Variants in METTL15 observed in about 807,000 individuals in gnomAD.
The protein encoded by METTL15 is methyltransferase 15, mitochondrial 12S rRNA N4-cytidine.
A neutral mutation model predicts 38.3 loss-of-function variants in METTL15; 34 were observed. That is an observed-to-expected ratio of 0.89 (90% CI 0.68 to 1.18). METTL15 has a LOEUF of 1.18. Among genes scored for constraint, METTL15 ranks in the 50% most tolerant of loss-of-function variants. The probability of loss-of-function intolerance (pLI) is 0.00; values close to 1 mark genes in which losing one functional copy is unlikely to be tolerated. For synonymous variants in METTL15, 162 were observed against 170.9 expected, an observed-to-expected ratio of 0.95 and a Z score of 0.41; for missense variants, 438 against 498.4, an observed-to-expected ratio of 0.88 and a Z score of 1.15.
rs180710730 is a variant in METTL15, at chr11:28,396,285, G to C, written c.*359-28014G>C. 2.3e-3 allele frequency among the ~76,000 whole-genome samples: 348 copies of C among 152,254 alleles called. 1 individual carries two copies. Among genetic ancestry groups the C allele is most frequent in the African/African-American group, 7.2e-3 (298 of 41,544 alleles). Reference sequence around the variant, plus strand: ...AAAGAAATAAAGCGTATTCAATTAGGAAAAGAGGAAGTCAAATTGTCCATG... The same window carrying C: ...AAAGAAATAAAGCGTATTCAATTAGCAAAAGAGGAAGTCAAATTGTCCATG... On this transcript the variant is annotated intron_variant and NMD_transcript_variant, in intron 5 of 7. Transcript: ENST00000532947.
intron 6 of METTL15, among the ~76,000 whole-genome samples, chr11:28,515,846 T>C (rs1409565061): frequency 6.6e-6 from 1 of 152,166 alleles, no homozygotes; most frequent in Non-Finnish European, 1.5e-5. Flanking sequence ...TAAAAACACA[T>C]AGCCACAATA....
At chr11:28,401,913 T>C (rs1254971789) in intron 5 of METTL15, among the ~76,000 whole-genome samples, 1 of 152,044 alleles carries the variant, frequency 6.6e-6, no homozygotes, top group African/African-American at 2.4e-5. Context: ...GCTACAAAAG[T>C]GTACCTTAAT....
intron 4 of METTL15, among the ~76,000 whole-genome samples, chr11:28,266,141 G>A (rs1201297206): frequency 1.3e-5 from 2 of 152,176 alleles, no homozygotes; most frequent in East Asian, 1.9e-4. Flanking sequence ...CGTTGTGGAA[G>A]TCAGTGTGGC....
chr11:28,320,229 A>G (rs1017392469), intron 6 of METTL15, among the ~76,000 whole-genome samples: 29 of 148,512 alleles, frequency 2.0e-4, no homozygotes, highest in Non-Finnish European at 3.7e-4. Flanking sequence ...GGGGTGGTTT[A>G]AAATCACTCC....
intron 6 of METTL15, among the ~76,000 whole-genome samples, chr11:28,512,318 CCA>C (rs1018529186): frequency 6.6e-5 from 10 of 152,344 alleles, no homozygotes; most frequent in African/African-American, 2.4e-4. Context: ...CCTGCCATTC[CCA>C]CGCAGTGCGC....
chr11:28,139,237 G>C (rs1849615257), intron 3 of METTL15, among the ~76,000 whole-genome samples: 1 of 152,118 alleles, frequency 6.6e-6, no homozygotes, highest in African/African-American at 2.4e-5. Flanking sequence ...TGTGAAGAGA[G>C]GACAGAGTAA....
chr11:28,302,552 G>T (rs753210236), intron 6 of METTL15, among the ~76,000 whole-genome samples: 17 of 152,072 alleles, frequency 1.1e-4, no homozygotes, highest in Non-Finnish European at 2.1e-4. Flanking sequence ...AGCTCTCTTT[G>T]CTTGCTGCCA....
At chr11:28,350,074 T>C (rs1370799478) in intron 3 of METTL15, among the ~76,000 whole-genome samples, 4 of 152,212 alleles carry the variant, frequency 2.6e-5, no homozygotes, top group Admixed American at 2.6e-4. Flanking sequence ...CTTTCCTCTC[T>C]ACTCTTTCCA....
At chr11:28,123,041 C>G (rs1477748396) in intron 3 of METTL15, among the ~76,000 whole-genome samples, 1 of 151,914 alleles carries the variant, frequency 6.6e-6, no homozygotes, top group Non-Finnish European at 1.5e-5. Context: ...GTACTGAATC[C>G]AAATTTTAAA....
intron 5 of METTL15, among the ~76,000 whole-genome samples, chr11:28,409,178 C>T (rs545118540): frequency 1.3e-5 from 2 of 151,692 alleles, no homozygotes; most frequent in East Asian, 1.9e-4. Flanking sequence ...GTCTGGAGAT[C>T]GAGACCATCC....
At chr11:28,367,840 T>A (rs1464751994) in intron 5 of METTL15, among the ~76,000 whole-genome samples, 1 of 151,902 alleles carries the variant, frequency 6.6e-6, no homozygotes, top group Non-Finnish European at 1.5e-5. Context: ...AAACAAGCAA[T>A]GGGGAAAAGA....
At chr11:28,371,830 G>A (rs1040316383) in intron 5 of METTL15, among the ~76,000 whole-genome samples, 1 of 151,848 alleles carries the variant, frequency 6.6e-6, no homozygotes, top group Admixed American at 6.6e-5. Flanking sequence ...ACTGATTTTT[G>A]TATATTGATT....
intron 5 of METTL15, among the ~76,000 whole-genome samples, chr11:28,409,748 T>C (rs775337220): frequency 2.8e-4 from 42 of 151,934 alleles, no homozygotes; most frequent in South Asian, 1.2e-3. Flanking sequence ...AAAAACAGAC[T>C]TACCGCAAAG....
chr11:28,523,348 T>A (rs538452026), intron 6 of METTL15, among the ~76,000 whole-genome samples: 4 of 152,334 alleles, frequency 2.6e-5, no homozygotes, highest in Admixed American at 2.0e-4. Context: ...GCCTATAAAA[T>A]TCTCCCTTAT....
intron 3 of METTL15, among the ~76,000 whole-genome samples, chr11:28,176,721 T>C (rs912783421): frequency 6.6e-6 from 1 of 152,126 alleles, no homozygotes; most frequent in East Asian, 1.9e-4. Flanking sequence ...TGTCAGTTAT[T>C]ATCTATCTGA....
chr11:28,268,196 C>CAAAAAAAAAAAAAAAAAAA (rs71050954), intron 4 of METTL15, among the ~76,000 whole-genome samples: 1 of 64,174 alleles, frequency 1.6e-5, no homozygotes, highest in African/African-American at 7.3e-5. Context: ...GACTCCGTCT[C>CAAAAAAAAAAAAAAAAAAA]AAAAAAAAAA....
At chr11:28,376,032 T>G (rs1292680190) in intron 5 of METTL15, among the ~76,000 whole-genome samples, 1 of 152,104 alleles carries the variant, frequency 6.6e-6, no homozygotes, top group South Asian at 2.1e-4. Flanking sequence ...GTCTGAGAGA[T>G]AGTTTGTTAT....
chr11:28,108,755 T>A (rs1851592795), intron 1 of METTL15, among the ~76,000 whole-genome samples: 1 of 152,226 alleles, frequency 6.6e-6, no homozygotes, highest in African/African-American at 2.4e-5. Context: ...TGGTTACTTT[T>A]TACATTCTCT....
At chr11:28,468,061 C>A (rs1489063460) in intron 6 of METTL15, among the ~76,000 whole-genome samples, 1 of 14,466 alleles carries the variant, frequency 6.9e-5, no homozygotes, top group Non-Finnish European at 1.3e-4. Context: ...ACTTAAACCA[C>A]ATCTCAGCCA....
Sources: gnomAD v4.1 joint callset for allele counts (sites outside exome capture counted in the v4.1 genomes callset) on GRCh38, gnomAD v4.1.1 for gene constraint, MANE v1.5 for transcripts, NCBI Gene and HGNC (gene_info 2026-07-23, HGNC 2026-07-21) for gene names.